FAM135A: variants seen among roughly 807,000 people sequenced by gnomAD.
FAM135A encodes family with sequence similarity 135 member A.
Under a neutral mutation model 146.8 loss-of-function variants are expected in FAM135A, and 79 were observed. The observed-to-expected ratio is 0.54, with a 90% CI of 0.45 to 0.65. The LOEUF (loss-of-function observed/expected upper bound fraction) is 0.65. Among genes scored for constraint, FAM135A ranks in the 30% least tolerant of loss-of-function variants. The pLI, the probability that FAM135A is intolerant of heterozygous loss-of-function variation, is 0.00. For synonymous variants in FAM135A, 562 were observed against 603.6 expected (o/e 0.93, Z 1.01); for missense variants, 1,623 against 1,758.2 (o/e 0.92, Z 1.38).
chr6:70,455,911 G>T (rs1778267878), intron 5 of FAM135A, among the ~76,000 whole-genome samples: 1 of 152,130 alleles, frequency 6.6e-6, no homozygotes, highest in African/African-American at 2.4e-5. Flanking sequence ...GAGTGCAGTG[G>T]TGCGATCTCG....
chr6:70,540,993 T>C (rs1797816971), intron 20 of FAM135A, among the ~76,000 whole-genome samples: 1 of 152,200 alleles, frequency 6.6e-6, no homozygotes, highest in Admixed American at 6.5e-5. Context: ...TACTTTATCT[T>C]TGAAGTTCAA....
At chr6:70,478,386 AAACT>A in intron 8 of FAM135A, among the ~76,000 whole-genome samples, 1 of 152,294 alleles carries the variant, frequency 6.6e-6, no homozygotes, top group East Asian at 1.9e-4. Flanking sequence ...TTTGATTTCT[AAACT>A]ATCTACAATT....
chr6:70,482,124 G>A lies in FAM135A; in HGVS notation c.793G>A (p.Glu265Lys), dbSNP rs1306157358. ...CAGCTACTTCATTACAGTAACAGAAGAGATTCCTTCTTGTCAGAAACTAGA... is the reference window on the plus strand; with the variant it reads ...CAGCTACTTCATTACAGTAACAGAAAAGATTCCTTCTTGTCAGAAACTAGA... The part of the protein sequence containing the change: ...LHSYFITVTE[E>K]IPSCQKLELE... The change falls in exon 10 of 22, where the codon GAG becomes AAG. Residue 265 changes from glutamate (E) to lysine (K), a missense_variant. By Grantham distance (56) the Glu-to-Lys change is moderately conservative. This residue lies in a region of FAM135A where 206 missense variants were observed against 194.7 expected (regional missense o/e 1.06). Transcript: ENST00000418814. The A allele has an allele frequency of 1.2e-6, 2 of 1,613,456 alleles. No individual in the cohort carries two copies. The highest frequency in any genetic ancestry group is 1.3e-5 in the African/African-American group (1 of 74,902).
intron 18 of FAM135A, 123 bp downstream of exon 18, chr6:70,533,977 A>T: frequency 2.3e-6 from 1 of 444,102 alleles, no homozygotes; most frequent in Admixed American, 4.6e-5. Context: ...AAATTAATTT[A>T]TAGTGAAAAA....
intron 10 of FAM135A, among the ~76,000 whole-genome samples, chr6:70,487,083 CAAAAAAAAAAAAAAA>C (rs34560435): frequency 9.8e-5 from 4 of 40,614 alleles, no homozygotes; most frequent in African/African-American, 3.0e-4. Flanking sequence ...ACTCCCATCT[CAAAAAAAAAAAAAAA>C]AAAAAAAAAA....
chr6:70,454,763 C>G (rs1227428798), intron 5 of FAM135A, among the ~76,000 whole-genome samples: 1 of 152,070 alleles, frequency 6.6e-6, no homozygotes, highest in Non-Finnish European at 1.5e-5. Flanking sequence ...TTCCATTGGT[C>G]TATCTCTCTC....
At chr6:70,485,921 T>C (rs1212233475) in intron 10 of FAM135A, among the ~76,000 whole-genome samples, 1 of 152,206 alleles carries the variant, frequency 6.6e-6, no homozygotes, top group African/African-American at 2.4e-5. Context: ...CCTGCCAACC[T>C]AAAATTCTGA....
rs183311019 is a variant in FAM135A at position 70,467,307 on chromosome 6, T to C, written c.158-8103T>C. On this transcript the variant is annotated intron_variant, in intron 5 of 21. Coordinates refer to ENST00000418814, the MANE Select transcript of FAM135A (RefSeq NM_001162529.3). ...AGCCATTCTGATTACTAATCTTATTTTTTTCTCCAAAAAAAAAAATGACTG... is the reference window on the plus strand; with the variant it reads ...AGCCATTCTGATTACTAATCTTATTCTTTTCTCCAAAAAAAAAAATGACTG... Among the ~76,000 whole-genome samples the C allele has an allele frequency of 3.6e-3, 547 of 152,162 alleles. 1 individual carries two copies. The Middle Eastern group carries it at 0.037, about 10-fold the overall frequency.
At chr6:70,551,081 A>G (rs1799746095) in intron 20 of FAM135A, among the ~76,000 whole-genome samples, 1 of 152,204 alleles carries the variant, frequency 6.6e-6, no homozygotes, top group South Asian at 2.1e-4. Flanking sequence ...ATGTTGCAGC[A>G]GGTTTGATCT....
intron 11 of FAM135A, among the ~76,000 whole-genome samples, chr6:70,495,744 T>C (rs1787082322): frequency 6.6e-6 from 1 of 152,156 alleles, no homozygotes; most frequent in African/African-American, 2.4e-5. Flanking sequence ...CCCATCAACC[T>C]GTCGTCTACA....
Position 70,528,337 on chromosome 6 carries a change from G to T in FAM135A, c.3660G>T (p.Gly1220=), listed in dbSNP as rs758463433. ...AACTGAAGCTACTAAAACTTCCTGG[G>T]TTCATGTACAGTGAAGTTCCTCTGC... ...KEELKLLKLP[G]FMYSEVPLLA... The change falls in exon 16 of 22, where the codon GGG becomes GGT. Residue 1220 remains glycine (G), a synonymous_variant. Transcript: ENST00000418814. 1 of 1,612,998 alleles carries T rather than the reference G, an allele frequency of 6.2e-7. No homozygotes were observed. Among genetic ancestry groups the T allele is most frequent in the Non-Finnish European group, 8.5e-7 (1 of 1,179,626 alleles).
chr6:70,501,766 T>C (rs149822625), intron 11 of FAM135A, among the ~76,000 whole-genome samples: 122 of 152,274 alleles, frequency 8.0e-4, no homozygotes, highest in African/African-American at 2.8e-3. Flanking sequence ...CCCACCCTGC[T>C]TCTACTCACC....
At chr6:70,515,117 A>G (rs1791904799) in intron 12 of FAM135A, among the ~76,000 whole-genome samples, 2 of 152,214 alleles carry the variant, frequency 1.3e-5, no homozygotes, top group African/African-American at 4.8e-5. Context: ...ACAACAGCAA[A>G]TGTTGGTGAG....
At chr6:70,499,410 A>G (rs574278188) in intron 11 of FAM135A, among the ~76,000 whole-genome samples, 1 of 152,270 alleles carries the variant, frequency 6.6e-6, no homozygotes, top group Admixed American at 6.5e-5. Flanking sequence ...AATACAGCAC[A>G]CCAATGGGTC....
chr6:70,534,133 GAAA>G (rs1796339416), intron 18 of FAM135A, among the ~76,000 whole-genome samples: 1 of 151,590 alleles, frequency 6.6e-6, no homozygotes, highest in South Asian at 2.1e-4. Context: ...TTTTGAGGTG[GAAA>G]AAAGGTCCTA....
At chr6:70,457,492 C>G (rs1778588320) in intron 5 of FAM135A, among the ~76,000 whole-genome samples, 2 of 152,184 alleles carry the variant, frequency 1.3e-5, no homozygotes, top group South Asian at 4.1e-4. Context: ...ATTTTATTTT[C>G]CAAATGAGTA....
At chr6:70,514,087 GAT>G (rs2128304474) in intron 12 of FAM135A, among the ~76,000 whole-genome samples, 1 of 151,844 alleles carries the variant, frequency 6.6e-6, no homozygotes, top group South Asian at 2.1e-4. Context: ...TATATCTTCA[GAT>G]ATATTTTCTG....
At chr6:70,448,545 G>A (rs867983699) in intron 4 of FAM135A, among the ~76,000 whole-genome samples, 3 of 152,066 alleles carry the variant, frequency 2.0e-5, no homozygotes, top group South Asian at 2.1e-4. Context: ...CGTGATGGAC[G>A]CCACTTGCCA....
intron 10 of FAM135A, 57 bp downstream of exon 10, chr6:70,482,211 T>C (rs1783852695): frequency 5.2e-6 from 8 of 1,531,874 alleles, no homozygotes; most frequent in East Asian, 4.7e-5. Flanking sequence ...TTCAGTCTTA[T>C]ATTGCTAGCT....
Sources: gnomAD v4.1 joint callset for allele counts (sites outside exome capture counted in the v4.1 genomes callset) on GRCh38, gnomAD v4.1.1 for gene constraint, gnomAD v4.1.1 regional missense constraint, MANE v1.5 for transcripts, NCBI Gene and HGNC (gene_info 2026-07-23, HGNC 2026-07-21) for gene names.